ADD1: variants seen among roughly 807,000 people sequenced by gnomAD.
The protein encoded by ADD1 is adducin 1.
In ADD1, 24 loss-of-function variants were observed where a neutral mutation model predicts 80.5. The observed-to-expected ratio is 0.30, with a 90% CI of 0.22 to 0.42. The LOEUF (loss-of-function observed/expected upper bound fraction) is 0.42, where lower values mean the gene tolerates loss of function less well. ADD1 is among the 10% of genes least tolerant of loss of function. The pLI is 1.00. For missense variants in ADD1, 948 were observed against 1,019.0 expected (o/e 0.93, Z 0.95); for synonymous variants, 373 against 393.8 (o/e 0.95, Z 0.63).
At chr4:2,907,185 C>T (rs1023011646) in intron 10 of ADD1, 11 of 152,248 alleles carry the variant, frequency 7.2e-5, no homozygotes, top group African/African-American at 1.4e-4. Flanking sequence ...AGGTAGCTAC[C>T]GTGTAAGTGT....
chr4:2,925,967 G>A (rs1204977249), intron 14 of ADD1, 47 bp from the exon 15 acceptor site: 1 of 1,562,076 alleles, frequency 6.4e-7, no homozygotes, highest in Non-Finnish European at 8.8e-7. Context: ...ACAGGCTCAT[G>A]GCGTGGCGTC....
At chr4:2,900,443 T>C (rs1400887155) in intron 9 of ADD1, 1 of 151,070 alleles carries the variant, frequency 6.6e-6, no homozygotes, top group Non-Finnish European at 1.5e-5. Context: ...TGTGAGGACA[T>C]GTCAGTGTGG....
chr4:2,850,450 G>C (rs185485638), intron 1 of ADD1, among the ~76,000 whole-genome samples: 1 of 151,854 alleles, frequency 6.6e-6, no homozygotes, highest in East Asian at 1.9e-4. Context: ...TTCTGAGACG[G>C]TGTCTTGCTC....
rs115743641 is a variant in ADD1 at position 2,922,314 on chromosome 4, C to T, written c.1949-3700C>T. 2.4e-3 allele frequency among the ~76,000 whole-genome samples: 368 copies of T among 152,232 alleles called. 4 individuals carry two copies. The highest frequency in any genetic ancestry group is 8.4e-3 in the African/African-American group (349 of 41,526). ...CTTGATGTTGGTGACCTTCAGATGG[C>T]GTTTTCATGTGGATGTCCTTTTTGT... On this transcript the variant is annotated intron_variant, in intron 14 of 15. Coordinates refer to ENST00000683351, the MANE Select transcript of ADD1 (RefSeq NM_001354761.2).
chr4:2,916,961 C>T (rs1219891045), intron 14 of ADD1, among the ~76,000 whole-genome samples: 2 of 152,154 alleles, frequency 1.3e-5, no homozygotes, highest in African/African-American at 4.8e-5. Flanking sequence ...TTGTTTCCAA[C>T]TCTTTCGTAT....
chr4:2,889,015 C>T (rs1452574701), intron 4 of ADD1, among the ~76,000 whole-genome samples: 2 of 152,110 alleles, frequency 1.3e-5, no homozygotes, highest in East Asian at 3.8e-4. Context: ...TGACAGCATG[C>T]TTCTAAAATT....
At chr4:2,913,872 GT>G (rs1738496178) in intron 13 of ADD1, among the ~76,000 whole-genome samples, 1 of 152,098 alleles carries the variant, frequency 6.6e-6, no homozygotes, top group Non-Finnish European at 1.5e-5. Context: ...GTGCATGTGT[GT>G]AAGTGCTGGA....
intron 14 of ADD1, among the ~76,000 whole-genome samples, chr4:2,919,246 GAGGATTTTTGCATTGATGTTCA>G (rs1348896422): frequency 1.3e-5 from 2 of 152,186 alleles, no homozygotes; most frequent in Non-Finnish European, 2.9e-5. Context: ...GTATTTCATT[GAGGATTTTTGCATTGATGTTCA>G]TCAGGGATAT....
At chr4:2,922,678 T>C (rs987174162) in intron 14 of ADD1, among the ~76,000 whole-genome samples, 1 of 152,208 alleles carries the variant, frequency 6.6e-6, no homozygotes, top group Non-Finnish European at 1.5e-5. Flanking sequence ...TGCTGGGAGA[T>C]CCACCGCTCT....
intron 10 of ADD1, 187 bp from the exon 11 acceptor site, chr4:2,907,556 C>A: frequency 1.9e-6 from 1 of 536,928 alleles, no homozygotes; most frequent in Non-Finnish European, 3.4e-6. Context: ...ATTAACTGGT[C>A]TTTATGTGGC....
At chr4:2,919,470 C>T (rs765655145) in intron 14 of ADD1, among the ~76,000 whole-genome samples, 2 of 152,028 alleles carry the variant, frequency 1.3e-5, no homozygotes, top group African/African-American at 2.4e-5. Flanking sequence ...TGGTCCTGGG[C>T]TTTTTTTGGT....
rs1725756509 is a variant in ADD1 at position 2,843,891 on chromosome 4, G to C, written c.-154G>C. On this transcript the variant is annotated 5_prime_UTR_variant, in exon 1 of 16. Transcript: ENST00000683351. ...TCGGGCGGTGGGGGCGAGCGGAGGG[G>C]CTGAGGGGCGGAGAGGCCTGGCGGG... 1.3e-5 allele frequency: 2 copies of C among 152,674 alleles called. No individual in the cohort carries two copies. Among genetic ancestry groups the C allele is most frequent in the Admixed American group, 6.6e-5 (1 of 15,262 alleles). The allele number at this position is 152,674 out of a possible 1,614,324, so 9.5% of individuals were successfully genotyped here. A position where few individuals can be genotyped will look rare whatever the true frequency, so the allele number is the denominator to read the frequency against.
chr4:2,892,766 T>C (rs1734516416), intron 4 of ADD1, among the ~76,000 whole-genome samples: 1 of 151,402 alleles, frequency 6.6e-6, no homozygotes, highest in Admixed American at 6.6e-5. Context: ...GTCAGGAGGT[T>C]GAGGCTGCAG....
intron 10 of ADD1, 114 bp downstream of exon 10, chr4:2,905,222 C>A: frequency 1.1e-6 from 1 of 930,862 alleles, no homozygotes; most frequent in Non-Finnish European, 1.6e-6. Context: ...GCGAACCTTC[C>A]TTATTCACTT....
chr4:2,885,637 A>G (rs559538681), intron 4 of ADD1, among the ~76,000 whole-genome samples: 3 of 150,150 alleles, frequency 2.0e-5, no homozygotes, highest in Admixed American at 6.6e-5. Flanking sequence ...TGAGACAGAG[A>G]CTTGCTCTGT....
chr4:2,900,518 A>G (rs1577637626), intron 9 of ADD1: 1 of 152,292 alleles, frequency 6.6e-6, no homozygotes, highest in Non-Finnish European at 1.5e-5. Flanking sequence ...ACAAGTGGGC[A>G]CGTTCCAGCC....
chr4:2,920,880 G>A (rs1739906473), intron 14 of ADD1, among the ~76,000 whole-genome samples: 1 of 152,130 alleles, frequency 6.6e-6, no homozygotes, highest in Non-Finnish European at 1.5e-5. Context: ...CTGTCATTAT[G>A]ATGCTGGCTG....
intron 4 of ADD1, among the ~76,000 whole-genome samples, chr4:2,888,973 AT>A (rs1410245447): frequency 6.6e-6 from 1 of 152,200 alleles, no homozygotes; most frequent in African/African-American, 2.4e-5. Context: ...ACTAACAAAA[AT>A]GGTTGTGTAA....
At chr4:2,849,287 A>T (rs1472418634) in intron 1 of ADD1, among the ~76,000 whole-genome samples, 1 of 152,228 alleles carries the variant, frequency 6.6e-6, no homozygotes, top group African/African-American at 2.4e-5. Flanking sequence ...ATTACCAGAA[A>T]TATTATAAAC....
Sources: gnomAD v4.1 joint callset for allele counts (sites outside exome capture counted in the v4.1 genomes callset) on GRCh38, gnomAD v4.1.1 for gene constraint, MANE v1.5 for transcripts, NCBI Gene and HGNC (gene_info 2026-07-23, HGNC 2026-07-21) for gene names.